HACD3: variants seen among roughly 807,000 people sequenced by gnomAD.
HACD3 encodes the protein 3-hydroxyacyl-CoA dehydratase 3, also known as very-long-chain (3R)-3-hydroxyacyl-CoA dehydratase 3.
HACD3 carries 30 observed loss-of-function variants against 55.2 expected under a neutral mutation model. The ratio of observed to expected loss-of-function variants is 0.54; its 90% confidence interval spans 0.41 to 0.74. HACD3 has a LOEUF of 0.74. HACD3 is among the 30% of genes least tolerant of loss of function. HACD3 has a pLI of 0.00. For missense variants in HACD3, 363 were observed against 440.1 expected, an observed-to-expected ratio of 0.82 and a Z score of 1.57; for synonymous variants, 141 against 151.7, an observed-to-expected ratio of 0.93 and a Z score of 0.52.
intron 5 of HACD3, among the ~76,000 whole-genome samples, chr15:65,560,880 A>G (rs927037892): frequency 1.3e-4 from 19 of 151,762 alleles, no homozygotes; most frequent in African/African-American, 4.6e-4. Flanking sequence ...TCTCCAGCCT[A>G]ATGTCGTTTT....
intron 1 of HACD3, chr15:65,535,881 G>A: frequency 1.8e-6 from 1 of 551,718 alleles, no homozygotes; most frequent in Non-Finnish European, 3.3e-6. Flanking sequence ...TTAGAGGTGG[G>A]GTCTCATTAT....
In HACD3 at chr15:65,562,838, C is replaced by T; in HGVS notation, c.486C>T (p.Ser162=). The change falls in exon 6 of 11, where the codon TCC becomes TCT. Residue 162 remains serine (S), a synonymous_variant. Transcript: ENST00000261875. ...MYNLVQFLGF[S]WIFVNLTVRF... ...ATCTTGTGCAATTCTTGGGATTCTC[C>T]TGGATCTTTGTCAACCTGACTGTGC... 6.2e-7 allele frequency: 1 copy of T among 1,613,918 alleles called. No homozygotes were observed. The highest frequency in any genetic ancestry group is 1.7e-5 in the Admixed American group (1 of 60,012).
At position 65,554,939 on chromosome 15, in the gene HACD3, C is replaced by G; in HGVS notation, c.183C>G (p.Phe61Leu). 6.2e-7 allele frequency: 1 copy of G among 1,610,802 alleles called. No homozygotes were observed. The highest frequency in any genetic ancestry group is 8.5e-7 in the Non-Finnish European group (1 of 1,177,018). Residue 61 changes from phenylalanine (F) to leucine (L), a missense_variant, in exon 3 of 11, where the codon TTC becomes TTG. Transcript: ENST00000261875. ...ATGTCTATGAATTTCACCTGGAGTT[C>G]TTAGACCTTGTGAAACCAGAGGTAT... Reference protein sequence around the residue: ...GDNVYEFHLEFLDLVKPEPVY... With the variant: ...GDNVYEFHLELLDLVKPEPVY...
rs1430806519 is a variant in HACD3 at position 65,577,161 on chromosome 15, A to T, written c.*782A>T. On this transcript the variant is annotated 3_prime_UTR_variant, in exon 11 of 11. Coordinates refer to ENST00000261875, the MANE Select transcript of HACD3 (RefSeq NM_016395.4). ...CCAAACTCAGCCAGGAATGTGGCTC[A>T]CACCTGTAATCCCAGCACTTTGGGA... The T allele has an allele frequency of 6.6e-6, 1 of 152,240 alleles. No individual in the cohort carries two copies. Among genetic ancestry groups the T allele is most frequent in the East Asian group, 1.9e-4 (1 of 5,202 alleles). The allele number at this position is 152,240 out of a possible 1,614,324, so 9.4% of individuals were successfully genotyped here.
chr15:65,561,415 G>A (rs979440424), intron 5 of HACD3, among the ~76,000 whole-genome samples: 1 of 151,678 alleles, frequency 6.6e-6, no homozygotes, highest in Non-Finnish European at 1.5e-5. Context: ...GCAGTGAGCC[G>A]AGATTGTGCC....
At chr15:65,542,675 G>A (rs1466920318) in intron 1 of HACD3, among the ~76,000 whole-genome samples, 1 of 152,202 alleles carries the variant, frequency 6.6e-6, no homozygotes, top group Non-Finnish European at 1.5e-5. Context: ...GAATAGGAAT[G>A]TGGTAAAGGA....
intron 1 of HACD3, among the ~76,000 whole-genome samples, chr15:65,545,570 A>C (rs1245620375): frequency 2.6e-5 from 4 of 150,956 alleles, no homozygotes; most frequent in African/African-American, 9.8e-5. Flanking sequence ...CAGCCTCCTG[A>C]GTAGCTGGGA....
intron 10 of HACD3, among the ~76,000 whole-genome samples, chr15:65,573,368 GA>G: frequency 6.6e-6 from 1 of 152,222 alleles, no homozygotes; most frequent in South Asian, 2.1e-4. Context: ...AGCACTTTGG[GA>G]GGCTGAGGTG....
intron 1 of HACD3, among the ~76,000 whole-genome samples, chr15:65,546,556 A>C (rs915039438): frequency 6.6e-6 from 1 of 152,160 alleles, no homozygotes; most frequent in Non-Finnish European, 1.5e-5. Flanking sequence ...TTAGCAATCA[A>C]TTGGTAGAAG....
chr15:65,559,350 G>A (rs890021694), intron 5 of HACD3, among the ~76,000 whole-genome samples: 4 of 152,018 alleles, frequency 2.6e-5, no homozygotes, highest in Admixed American at 6.6e-5. Flanking sequence ...GGGATCCATC[G>A]TAGCGCCTAT....
intron 8 of HACD3, among the ~76,000 whole-genome samples, chr15:65,570,524 G>T (rs1282478128): frequency 6.6e-6 from 1 of 152,204 alleles, no homozygotes; most frequent in Non-Finnish European, 1.5e-5. Context: ...TCTTGAAAGG[G>T]CTGAAGAAAC....
At chr15:65,566,063 C>T (rs970041015) in intron 7 of HACD3, 1 of 152,230 alleles carries the variant, frequency 6.6e-6, no homozygotes, top group African/African-American at 2.4e-5. Flanking sequence ...GTCACCTTTG[C>T]TCCAGTTCAC....
intron 1 of HACD3, among the ~76,000 whole-genome samples, chr15:65,538,981 C>T (rs1393404901): frequency 6.6e-6 from 1 of 152,124 alleles, no homozygotes; most frequent in Non-Finnish European, 1.5e-5. Context: ...ACTTAATAGA[C>T]TATAGTATAA....
intron 7 of HACD3, 136 bp from the exon 8 acceptor site, chr15:65,569,955 G>T: frequency 1.9e-6 from 1 of 524,788 alleles, no homozygotes; most frequent in Non-Finnish European, 3.3e-6. Flanking sequence ...TCCAGAACTG[G>T]AGCAGGATTA....
Position 65,572,305 on chromosome 15 carries a change from A to G in HACD3, c.951A>G (p.Pro317=), listed in dbSNP as rs764690365. 32 of 1,613,240 alleles carry G rather than the reference A, an allele frequency of 2.0e-5. No homozygotes were observed. The highest frequency in any genetic ancestry group is 6.7e-5 in the African/African-American group (5 of 74,916). The change falls in exon 10 of 11, where the codon CCA becomes CCG. Residue 317 remains proline, a synonymous_variant. Coordinates refer to ENST00000261875, the MANE Select transcript of HACD3 (RefSeq NM_016395.4). ...GATTCAGTTTCACATTGCCATATCC[A>G]GTGAAAATCAAAGTTAGATTTTCCT... is the stretch of plus-strand genomic sequence containing the variant. The part of the protein sequence containing the change: ...TGRFSFTLPY[P]VKIKVRFSFF...
chr15:65,554,995 T>G (rs775616107), intron 3 of HACD3, 35 bp downstream of exon 3: 1 of 1,502,876 alleles, frequency 6.7e-7, no homozygotes, highest in Non-Finnish European at 9.3e-7. Context: ...CCTTCCCATT[T>G]TAGGAAATGA....
chr15:65,537,988 T>C (rs1274683140), intron 1 of HACD3, among the ~76,000 whole-genome samples: 1 of 130,688 alleles, frequency 7.7e-6, no homozygotes, highest in Non-Finnish European at 1.6e-5. Flanking sequence ...TATATATATA[T>C]ATATATATAT....
intron 1 of HACD3, among the ~76,000 whole-genome samples, chr15:65,542,988 C>T (rs1389191988): frequency 2.0e-5 from 3 of 151,246 alleles, no homozygotes; most frequent in Admixed American, 6.6e-5. Flanking sequence ...GCAGGAGAAT[C>T]GCTTGAACCC....
At chr15:65,573,754 A>G (rs1243978866) in intron 10 of HACD3, among the ~76,000 whole-genome samples, 2 of 152,226 alleles carry the variant, frequency 1.3e-5, no homozygotes, top group Non-Finnish European at 2.9e-5. Context: ...ACAATTTGAG[A>G]AAAATAATTT....
Sources: gnomAD v4.1 joint callset for allele counts (sites outside exome capture counted in the v4.1 genomes callset) on GRCh38, gnomAD v4.1.1 for gene constraint, MANE v1.5 for transcripts, NCBI Gene and HGNC (gene_info 2026-07-23, HGNC 2026-07-21) for gene names.